Variants in CFDP1 observed in about 807,000 individuals in gnomAD.
CFDP1 encodes heterochromatin-stabilizing protein CFDP1.
Under a neutral mutation model 40.1 loss-of-function variants are expected in CFDP1, and 31 were observed. That is an observed-to-expected ratio of 0.77 (90% CI 0.58 to 1.04). The LOEUF is 1.04. Among genes scored for constraint, CFDP1 ranks in the 50% least tolerant of loss-of-function variants. The pLI, the probability that CFDP1 is intolerant of heterozygous loss-of-function variation, is 0.00. For missense variants in CFDP1, 423 were observed against 343.4 expected (o/e 1.23, Z -1.83); for synonymous variants, 167 against 120.0 (o/e 1.39, Z -2.56).
intron 5 of CFDP1, among the ~76,000 whole-genome samples, chr16:75,318,752 C>CT (rs1384299014): frequency 1.3e-5 from 2 of 152,104 alleles, no homozygotes; most frequent in Non-Finnish European, 2.9e-5. Flanking sequence ...TTTCAGCTTT[C>CT]TTTTTTCTCC....
chr16:75,322,713 T>C (rs1377742108), intron 5 of CFDP1, among the ~76,000 whole-genome samples: 1 of 152,124 alleles, frequency 6.6e-6, no homozygotes, highest in Non-Finnish European at 1.5e-5. Flanking sequence ...ATTTCGAATT[T>C]TGAATTTCCA....
At chr16:75,331,960 C>T (rs1483591867) in intron 5 of CFDP1, among the ~76,000 whole-genome samples, 1 of 152,204 alleles carries the variant, frequency 6.6e-6, no homozygotes, top group Non-Finnish European at 1.5e-5. Context: ...CTGGCTGCTC[C>T]ATATTCTCAC....
At chr16:75,344,204 A>G (rs115043463) in intron 5 of CFDP1, among the ~76,000 whole-genome samples, 3,359 of 152,352 alleles carry the variant, frequency 0.022, 71 homozygotes, top group African/African-American at 0.054. Context: ...CTCTGTCAGT[A>G]TATACAAGGC....
At chr16:75,300,985 A>T (rs189763589) in intron 6 of CFDP1, among the ~76,000 whole-genome samples, 36 of 152,290 alleles carry the variant, frequency 2.4e-4, no homozygotes, top group Non-Finnish European at 4.0e-4. Context: ...CCGCTGTGGA[A>T]AATATTCCTG....
At chr16:75,325,289 T>C (rs372179472) in intron 5 of CFDP1, among the ~76,000 whole-genome samples, 3 of 152,236 alleles carry the variant, frequency 2.0e-5, no homozygotes, top group Admixed American at 6.5e-5. Flanking sequence ...GCCCCTTGTA[T>C]AGTCCCCTTC....
At chr16:75,362,784 T>C (rs910134074) in intron 5 of CFDP1, 1 of 152,208 alleles carries the variant, frequency 6.6e-6, no homozygotes, top group Admixed American at 6.5e-5. Flanking sequence ...TGCCCCACAG[T>C]GTTGTTTTAT....
intron 5 of CFDP1, among the ~76,000 whole-genome samples, chr16:75,387,222 G>C (rs2078905885): frequency 6.6e-6 from 1 of 150,836 alleles, no homozygotes; most frequent in African/African-American, 2.4e-5. Context: ...CTCACTGCAA[G>C]CTCCGCCTCC....
intron 5 of CFDP1, among the ~76,000 whole-genome samples, chr16:75,344,035 C>T (rs9319484): frequency 0.22 from 33,556 of 152,068 alleles, 4,169 homozygotes; most frequent in African/African-American, 0.34. Context: ...TAAAGCAGCA[C>T]GAATAATTTT....
intron 5 of CFDP1, among the ~76,000 whole-genome samples, chr16:75,317,630 C>T (rs2078332420): frequency 1.3e-5 from 2 of 152,138 alleles, no homozygotes; most frequent in African/African-American, 4.8e-5. Flanking sequence ...TTCTGAGACA[C>T]AATTTTAAAG....
chr16:75,331,030 G>A (rs1346175519), intron 5 of CFDP1, among the ~76,000 whole-genome samples: 1 of 151,650 alleles, frequency 6.6e-6, no homozygotes, highest in Non-Finnish European at 1.5e-5. Context: ...ATGGGCAATG[G>A]GACTTATTTC....
chr16:75,423,329 G>A (rs1434766857), intron 1 of CFDP1, among the ~76,000 whole-genome samples: 2 of 150,720 alleles, frequency 1.3e-5, no homozygotes, highest in Non-Finnish European at 1.5e-5. Flanking sequence ...TGCATCTGTA[G>A]TCCCAGGTAC....
intron 5 of CFDP1, among the ~76,000 whole-genome samples, chr16:75,359,093 A>G (rs1372889349): frequency 6.6e-6 from 1 of 152,244 alleles, no homozygotes. Context: ...TATATAATTC[A>G]GCCAAAACAA....
At chr16:75,432,061 G>T (rs1490076026) in intron 1 of CFDP1, among the ~76,000 whole-genome samples, 1 of 151,404 alleles carries the variant, frequency 6.6e-6, no homozygotes, top group African/African-American at 2.4e-5. Flanking sequence ...ACAGGCGCGT[G>T]CCACCATGCC....
chr16:75,433,237 G>C, intron 1 of CFDP1, 52 bp downstream of exon 1: 2 of 1,530,026 alleles, frequency 1.3e-6, no homozygotes, highest in Non-Finnish European at 1.8e-6. Flanking sequence ...CGCGCCTCAC[G>C]TGAGGCGTGG....
intron 5 of CFDP1, among the ~76,000 whole-genome samples, chr16:75,367,290 G>T (rs1341263598): frequency 6.6e-6 from 1 of 151,982 alleles, no homozygotes; most frequent in Non-Finnish European, 1.5e-5. Context: ...GAAAAATTTA[G>T]GGAGAGTATT....
Position 75,395,134 on chromosome 16 carries a change from C to T in CFDP1, c.606G>A (p.Gln202=), listed in dbSNP as rs201085912. 193 of 1,613,860 alleles carry T rather than the reference C, an allele frequency of 1.2e-4. No homozygotes were observed. The highest frequency in any genetic ancestry group is 1.6e-4 in the Non-Finnish European group (185 of 1,179,946). Residue 202 remains glutamine (Q), a synonymous_variant, in exon 5 of 7, where the codon CAG becomes CAA. Transcript: ENST00000283882. ...FFKQNEKEKP[Q]ANVPSALPSL... ...ATGGCAGAGCTGAAGGAACATTAGCCTGTGGTTTTTCTTTCTCATTCTGCT... is the reference window on the plus strand; with the variant it reads ...ATGGCAGAGCTGAAGGAACATTAGCTTGTGGTTTTTCTTTCTCATTCTGCT...
intron 1 of CFDP1, among the ~76,000 whole-genome samples, chr16:75,428,725 G>A (rs1480672795): frequency 6.6e-6 from 1 of 151,406 alleles, no homozygotes; most frequent in African/African-American, 2.4e-5. Context: ...GAAAGGAAAA[G>A]GAAAAGGAAA....
intron 6 of CFDP1, among the ~76,000 whole-genome samples, chr16:75,299,921 TG>T: frequency 6.6e-6 from 1 of 151,950 alleles, no homozygotes; most frequent in East Asian, 1.9e-4. Flanking sequence ...CAGAGCCTCC[TG>T]GGGAAGGAGC....
intron 6 of CFDP1, among the ~76,000 whole-genome samples, chr16:75,303,851 T>G (rs768219505): frequency 6.6e-6 from 1 of 152,136 alleles, no homozygotes; most frequent in Non-Finnish European, 1.5e-5. Context: ...CTCAGAGGTG[T>G]CCAGTATGCT....
Sources: gnomAD v4.1 joint callset for allele counts (sites outside exome capture counted in the v4.1 genomes callset) on GRCh38, gnomAD v4.1.1 for gene constraint, MANE v1.5 for transcripts, NCBI Gene and HGNC (gene_info 2026-07-23, HGNC 2026-07-21) for gene names.